Variants in AGL observed in about 807,000 individuals in gnomAD.
The protein encoded by AGL is glycogen debranching enzyme.
Under a neutral mutation model 199.3 loss-of-function variants are expected in AGL, and 128 were observed. That is an observed-to-expected ratio of 0.64 (90% CI 0.56 to 0.74). The LOEUF is 0.74. AGL is among the 30% of genes least tolerant of loss of function. AGL has a pLI of 0.00. For synonymous variants in AGL, 584 were observed against 594.7 expected (o/e 0.98, Z 0.26); for missense variants, 1,809 against 1,820.8 (o/e 0.99, Z 0.12).
intron 7 of AGL, among the ~76,000 whole-genome samples, chr1:99,871,265 C>G (rs574925660): frequency 5.6e-4 from 86 of 152,230 alleles, no homozygotes; most frequent in African/African-American, 1.9e-3. Context: ...AGAACCTTAA[C>G]TGACGTAGAG....
In AGL at chr1:99,851,110, T is replaced by G. The variant is rs1342547734; in HGVS notation, c.68T>G (p.Phe23Cys). Residue 23 changes from phenylalanine (F) to cysteine (C), a missense_variant, in exon 2 of 34, where the codon TTC becomes TGC. By Grantham distance (205) the Phe-to-Cys change is radical (BLOSUM62 -2). Transcript: ENST00000361915. ...ATGGAGAAACTGGAAAAGACCCTCT[T>G]CAGACTTGAACAAGGTCAGTAGCAA... ...NEMEKLEKTL[F>C]RLEQGYELQF... The G allele has an allele frequency of 6.2e-7, 1 of 1,614,012 alleles. No homozygotes were observed. The highest frequency in any genetic ancestry group is 2.2e-5 in the East Asian group (1 of 44,854).
In AGL at chr1:99,863,620, A is replaced by ATATTTTG. The variant is rs1650256018; in HGVS notation, c.461-759_461-753dup. Among the ~76,000 whole-genome samples the ATATTTTG allele has an allele frequency of 2.0e-5, 3 of 151,726 alleles. No individual in the cohort carries two copies. In the South Asian group the frequency reaches 6.2e-4, roughly 32 times the overall value. On this transcript the variant is annotated intron_variant, in intron 4 of 33. Transcript: ENST00000361915. Reference sequence around the variant, plus strand: ...AGGCGCCTGCCACCACGCCTGGCTAATATTTTGTATTTTTAGTAGAGACAG... The same window carrying ATATTTTG: ...AGGCGCCTGCCACCACGCCTGGCTAATATTTTGTATTTTGTATTTTTAGTAGAGACAG...
intron 2 of AGL, among the ~76,000 whole-genome samples, chr1:99,857,575 C>T (rs1224678168): frequency 2.0e-5 from 3 of 151,744 alleles, no homozygotes; most frequent in South Asian, 2.1e-4. Flanking sequence ...CTCAGGAGGC[C>T]GAGGCTGGTG....
chr1:99,914,155 A>G (rs1446523175), intron 30 of AGL, among the ~76,000 whole-genome samples: 2 of 152,200 alleles, frequency 1.3e-5, no homozygotes, highest in Non-Finnish European at 2.9e-5. Context: ...TGATATTTGT[A>G]TAGCACAATA....
intron 5 of AGL, 47 bp downstream of exon 5, chr1:99,864,636 GCA>G (rs747508907): frequency 1.6e-5 from 23 of 1,472,570 alleles, no homozygotes; most frequent in Admixed American, 1.2e-4. Flanking sequence ...GAGAATTTAT[GCA>G]CACACACATA....
intron 33 of AGL, among the ~76,000 whole-genome samples, chr1:99,921,127 G>A (rs530653007): frequency 1.1e-4 from 16 of 151,946 alleles, no homozygotes; most frequent in Admixed American, 6.6e-4. Context: ...CCATTTTTCC[G>A]CCTAATCATA....
chr1:99,858,381 A>C (rs1571221196), intron 2 of AGL, among the ~76,000 whole-genome samples: 1 of 152,244 alleles, frequency 6.6e-6, no homozygotes, highest in African/African-American at 2.4e-5. Flanking sequence ...TGCTTGGAGC[A>C]GAGTTTGGCA....
intron 26 of AGL, among the ~76,000 whole-genome samples, chr1:99,901,356 G>T (rs1443847024): frequency 7.3e-6 from 1 of 136,526 alleles, no homozygotes; most frequent in East Asian, 2.1e-4. Context: ...GTCCAGCCTA[G>T]GCAACATAGC....
At chr1:99,858,943 G>A (rs1649800909) in intron 2 of AGL, among the ~76,000 whole-genome samples, 1 of 151,880 alleles carries the variant, frequency 6.6e-6, no homozygotes, top group African/African-American at 2.4e-5. Context: ...AAATGACTTA[G>A]CTTGGGAATT....
At chr1:99,879,881 T>C (rs1207658349) in intron 12 of AGL, 42 bp from the exon 13 acceptor site, 1 of 1,534,014 alleles carries the variant, frequency 6.5e-7, no homozygotes, top group Non-Finnish European at 9.0e-7. Context: ...TTTCTCTTTC[T>C]GTTACATTTA....
In AGL at chr1:99,878,237, C is replaced by T. The variant is rs9434035; in HGVS notation, c.1611+409C>T. 6.4e-3 allele frequency among the ~76,000 whole-genome samples: 979 copies of T among 151,934 alleles called. 13 individuals carry two copies. The highest frequency in any genetic ancestry group is 0.023 in the African/African-American group (944 of 41,424). On this transcript the variant is annotated intron_variant, in intron 12 of 33. Coordinates refer to ENST00000361915, the MANE Select transcript of AGL (RefSeq NM_000642.3). ...GTGTGTGCCTATAGTCCCAGCTACTCGGGCGGCTGAGGCAGGAGAATCACT... is the reference window on the plus strand; with the variant it reads ...GTGTGTGCCTATAGTCCCAGCTACTTGGGCGGCTGAGGCAGGAGAATCACT...
intron 27 of AGL, among the ~76,000 whole-genome samples, chr1:99,905,083 A>C (rs1165670950): frequency 6.6e-6 from 1 of 152,214 alleles, no homozygotes; most frequent in African/African-American, 2.4e-5. Context: ...CCATTTTAAT[A>C]AATTCCCGCC....
At chr1:99,918,565 C>T (rs897698320) in intron 33 of AGL, among the ~76,000 whole-genome samples, 2 of 152,058 alleles carry the variant, frequency 1.3e-5, no homozygotes, top group African/African-American at 4.8e-5. Flanking sequence ...CTCAAGCAGT[C>T]CCCCAACCTC....
chr1:99,857,854 A>AGGGGGAGGGGGGGGGGC (rs1649691324), intron 2 of AGL, among the ~76,000 whole-genome samples: 1 of 110,646 alleles, frequency 9.0e-6, no homozygotes, highest in African/African-American at 3.5e-5. Flanking sequence ...GGGAGGGGGG[A>AGGGGGAGGGGGGGGGGC]AGAGGGAGAG....
chr1:99,864,334 C>T (rs1650320876), intron 4 of AGL, 52 bp from the exon 5 acceptor site: 1 of 1,451,952 alleles, frequency 6.9e-7, no homozygotes, highest in Non-Finnish European at 9.7e-7. Context: ...TCATTTTAGG[C>T]TGGTTTTGTT....
chr1:99,916,313 G>A lies in AGL; in HGVS notation c.4260-97G>A, dbSNP rs2296885. On this transcript the variant is annotated intron_variant, in intron 31 of 33. Coordinates refer to ENST00000361915, the MANE Select transcript of AGL (RefSeq NM_000642.3). The stretch of plus-strand genomic sequence containing the variant: ...TTATTCTGTAGAAGACAAAATAATT[G>A]ATTATTTCTCTTACCTTTGTTATTG... 0.43 allele frequency: 409,586 copies of A among 952,264 alleles called. 91,274 individuals carry two copies. The highest frequency in any genetic ancestry group is 0.58 in the East Asian group (22,136 of 37,950). 59.0% of individuals were successfully genotyped at this position (952,264 alleles called of 1,614,324 possible). A position where few individuals can be genotyped will look rare whatever the true frequency, so the allele number is the denominator to read the frequency against.
At chr1:99,879,884 T>A in intron 12 of AGL, 39 bp from the exon 13 acceptor site, 1 of 1,541,992 alleles carries the variant, frequency 6.5e-7, no homozygotes, top group Non-Finnish European at 9.0e-7. Context: ...CTCTTTCTGT[T>A]ACATTTATTT....
chr1:99,862,442 C>A lies in AGL; in HGVS notation c.460+19C>A. 1.2e-6 allele frequency: 2 copies of A among 1,612,888 alleles called. No individual in the cohort carries two copies. Among genetic ancestry groups the A allele is most frequent in the East Asian group, 4.5e-5 (2 of 44,846 alleles). On this transcript the variant is annotated intron_variant, in intron 4 of 33. Coordinates refer to ENST00000361915, the MANE Select transcript of AGL (RefSeq NM_000642.3). ...GAATCAGGTAATGTCAGCTTGCTTT[C>A]TTTTTCTTATTTAAAAAAATAAATG... is the stretch of plus-strand genomic sequence containing the variant.
chr1:99,907,693 G>GTT (rs71075465), intron 27 of AGL, among the ~76,000 whole-genome samples: 1 of 118,940 alleles, frequency 8.4e-6, no homozygotes, highest in African/African-American at 3.0e-5. Context: ...TTTGTTTTTT[G>GTT]TTTTTTTTGC....
Sources: gnomAD v4.1 joint callset for allele counts (sites outside exome capture counted in the v4.1 genomes callset) on GRCh38, gnomAD v4.1.1 for gene constraint, MANE v1.5 for transcripts, NCBI Gene and HGNC (gene_info 2026-07-23, HGNC 2026-07-21) for gene names.